Variants in CPNE4 observed in about 807,000 individuals in gnomAD.
CPNE4 encodes copine 4, also known as copine-4.
CPNE4 carries 25 observed loss-of-function variants against 67.9 expected under a neutral mutation model. That is an observed-to-expected ratio of 0.37 (90% CI 0.27 to 0.51). CPNE4 has a LOEUF of 0.51. Among genes scored for constraint, CPNE4 ranks in the 20% least tolerant of loss-of-function variants. The probability of loss-of-function intolerance (pLI) is 0.93; values close to 1 mark genes in which losing one functional copy is unlikely to be tolerated. For synonymous variants in CPNE4, 242 were observed against 244.9 expected (o/e 0.99, Z 0.11); for missense variants, 464 against 690.8 (o/e 0.67, Z 3.68).
chr3:132,034,760 C>A lies in CPNE4; in HGVS notation c.-195G>T. ...TTAGCAACAGCGGCTGGGAAAGGTG[C>A]TGAGAGCAGAGTTCGGTCTCTCCGG... On this transcript the variant is annotated 5_prime_UTR_variant, in exon 1 of 16. Transcript: ENST00000429747. 1.0e-6 allele frequency: 1 copy of A among 984,968 alleles called. No individual in the cohort carries two copies. Among genetic ancestry groups the A allele is most frequent in the Non-Finnish European group, 1.2e-6 (1 of 829,984 alleles). The allele number at this position is 984,968 out of a possible 1,614,324, so 61.0% of individuals were successfully genotyped here. A position where few individuals can be genotyped will look rare whatever the true frequency, so the allele number is the denominator to read the frequency against.
chr3:131,962,264 A>G (rs1183254178), intron 1 of CPNE4, among the ~76,000 whole-genome samples: 1 of 152,246 alleles, frequency 6.6e-6, no homozygotes, highest in Non-Finnish European at 1.5e-5. Context: ...AGCAGGTGCT[A>G]AGTCAAGGGT....
intron 1 of CPNE4, among the ~76,000 whole-genome samples, chr3:132,022,966 C>G (rs533502672): frequency 6.6e-6 from 1 of 152,188 alleles, no homozygotes; most frequent in Admixed American, 6.5e-5. Flanking sequence ...ATGTCAGCTC[C>G]GATTCAGTTG....
chr3:131,944,281 T>C (rs1368597943), intron 1 of CPNE4, among the ~76,000 whole-genome samples: 1 of 151,862 alleles, frequency 6.6e-6, no homozygotes, highest in Non-Finnish European at 1.5e-5. Context: ...TTTGGTGTCA[T>C]CCCTTCCACA....
At chr3:131,610,139 A>G (rs1400066426) in intron 7 of CPNE4, among the ~76,000 whole-genome samples, 1 of 152,042 alleles carries the variant, frequency 6.6e-6, no homozygotes, top group African/African-American at 2.4e-5. Context: ...TTTTTTGAAT[A>G]CTAACCATGG....
chr3:131,623,739 C>G (rs562547953), intron 7 of CPNE4, among the ~76,000 whole-genome samples: 45 of 152,314 alleles, frequency 3.0e-4, no homozygotes, highest in African/African-American at 1.1e-3. Flanking sequence ...CTTATTGAAC[C>G]AAAATCTGCA....
At position 131,952,096 on chromosome 3, in the gene CPNE4, G is replaced by A. The variant is rs567650338; in HGVS notation, c.-1-46652C>T. 9.6e-3 allele frequency among the ~76,000 whole-genome samples: 1,433 copies of A among 149,264 alleles called. 25 individuals are homozygous for A. The highest frequency in any genetic ancestry group is 0.032 in the African/African-American group (1,307 of 40,596). ...AAGTGAGGAGCGTCTCTGCCCGGCC[G>A]CCATCCCATCTAGGAAGTGAGGAGT... On this transcript the variant is annotated intron_variant, in intron 1 of 15. Coordinates refer to ENST00000429747, the MANE Select transcript of CPNE4 (RefSeq NM_130808.3).
intron 2 of CPNE4, among the ~76,000 whole-genome samples, chr3:131,807,118 C>T (rs1036878543): frequency 1.2e-4 from 19 of 152,220 alleles, no homozygotes; most frequent in African/African-American, 4.3e-4. Context: ...GCTGCCAGTG[C>T]CTGGCGGGGG....
At chr3:131,666,802 G>A (rs1407381624) in intron 7 of CPNE4, among the ~76,000 whole-genome samples, 1 of 151,360 alleles carries the variant, frequency 6.6e-6, no homozygotes, top group African/African-American at 2.4e-5. Context: ...ATTACAGGGG[G>A]AAAAAAAAGG....
chr3:131,727,761 C>A (rs542799419), intron 2 of CPNE4, among the ~76,000 whole-genome samples: 2 of 152,326 alleles, frequency 1.3e-5, no homozygotes, highest in East Asian at 3.9e-4. Context: ...TCTCAACCTT[C>A]CCTCCTTCCA....
chr3:131,639,945 A>G (rs2079497312), intron 7 of CPNE4, among the ~76,000 whole-genome samples: 1 of 152,208 alleles, frequency 6.6e-6, no homozygotes, highest in Non-Finnish European at 1.5e-5. Flanking sequence ...AAAGCATTTG[A>G]CAAAATCCAG....
intron 2 of CPNE4, among the ~76,000 whole-genome samples, chr3:131,774,062 C>T (rs1299056708): frequency 2.0e-5 from 3 of 152,046 alleles, no homozygotes; most frequent in Non-Finnish European, 4.4e-5. Context: ...ATTAAGGAAA[C>T]TGAGGCTTAG....
chr3:131,601,351 A>G lies in CPNE4; in HGVS notation c.682-13769T>C, dbSNP rs149690590. Among the ~76,000 whole-genome samples, 923 of 152,280 alleles carry G rather than the reference A, an allele frequency of 6.1e-3. 7 individuals carry two copies. Among genetic ancestry groups the G allele is most frequent in the African/African-American group, 0.017 (725 of 41,556 alleles). On this transcript the variant is annotated intron_variant, in intron 7 of 15. Coordinates refer to ENST00000429747, the MANE Select transcript of CPNE4 (RefSeq NM_130808.3). Reference sequence around the variant, plus strand: ...CTGGCAAAGAGAATATAAAAATGCAAGACAGTTTCATCCCTCAAGATGCTG... The same window carrying G: ...CTGGCAAAGAGAATATAAAAATGCAGGACAGTTTCATCCCTCAAGATGCTG...
chr3:131,616,806 G>A (rs1461001705), intron 7 of CPNE4, among the ~76,000 whole-genome samples: 1 of 152,164 alleles, frequency 6.6e-6, no homozygotes, highest in African/African-American at 2.4e-5. Context: ...AAAGAAAAAG[G>A]TATAGAGTGA....
chr3:131,651,948 G>A (rs538833561), intron 7 of CPNE4, among the ~76,000 whole-genome samples: 10 of 152,168 alleles, frequency 6.6e-5, no homozygotes, highest in Admixed American at 2.6e-4. Flanking sequence ...AGGAGTCCTG[G>A]GCTTCAAATC....
At chr3:131,951,932 A>G (rs1392899836) in intron 1 of CPNE4, among the ~76,000 whole-genome samples, 5 of 151,976 alleles carry the variant, frequency 3.3e-5, no homozygotes, top group East Asian at 1.9e-4. Flanking sequence ...CCTCCCAGCC[A>G]CCTGCCTTGG....
At chr3:131,819,877 C>T (rs995897587) in intron 2 of CPNE4, among the ~76,000 whole-genome samples, 48 of 152,212 alleles carry the variant, frequency 3.2e-4, no homozygotes, top group African/African-American at 1.0e-3. Context: ...CTGCCCAAAG[C>T]GCAGGGCCCA....
intron 4 of CPNE4, among the ~76,000 whole-genome samples, chr3:131,697,340 G>T (rs553448561): frequency 1.3e-5 from 2 of 152,270 alleles, no homozygotes; most frequent in African/African-American, 4.8e-5. Flanking sequence ...CAGTCAAGTT[G>T]CAGATAAGTT....
chr3:131,952,823 T>C (rs1317904580), intron 1 of CPNE4, among the ~76,000 whole-genome samples: 1 of 152,180 alleles, frequency 6.6e-6, no homozygotes, highest in Non-Finnish European at 1.5e-5. Flanking sequence ...GGGAAAAGAT[T>C]GAGAAATCGG....
chr3:131,958,834 A>C (rs2072069620), intron 1 of CPNE4, among the ~76,000 whole-genome samples: 2 of 150,774 alleles, frequency 1.3e-5, no homozygotes, highest in East Asian at 1.9e-4. Context: ...AATTTTTTGT[A>C]TTTTTAGTAG....
Sources: allele counts gnomAD v4.1 joint callset (sites outside exome capture counted in the v4.1 genomes callset), GRCh38; gene constraint gnomAD v4.1.1; transcripts MANE v1.5; gene names NCBI Gene and HGNC (gene_info 2026-07-23, HGNC 2026-07-21).